The following ADGRV1 variants were observed in gnomAD, a reference collection of about 807,000 sequenced individuals.
The protein encoded by ADGRV1 is G-protein coupled receptor 98.
In ADGRV1, 359 loss-of-function variants were observed where a neutral mutation model predicts 596.2. That is an observed-to-expected ratio of 0.60 (90% CI 0.55 to 0.66). The LOEUF (loss-of-function observed/expected upper bound fraction) is 0.66. Among genes scored for constraint, ADGRV1 ranks in the 30% least tolerant of loss-of-function variants. The pLI, the probability that ADGRV1 is intolerant of heterozygous loss-of-function variation, is 0.00. For missense variants in ADGRV1, 7,274 were observed against 7,575.6 expected, an observed-to-expected ratio of 0.96 and a Z score of 1.48; for synonymous variants, 2,681 against 2,679.2, an observed-to-expected ratio of 1.00 and a Z score of -0.02.
Position 90,653,761 on chromosome 5 carries a change from TTTCCC to T in ADGRV1, c.4191_4195del (p.His1399Ter). ...CAAACAAACGAATCCCATGTGACACTTTCCCTTCATTATAAAACCTTGGGTTCCAA... is the reference window on the plus strand; with the variant it reads ...CAAACAAACGAATCCCATGTGACACTTTCATTATAAAACCTTGGGTTCCAA... On this transcript the variant is annotated frameshift_variant, in exon 20 of 90. Coordinates refer to ENST00000405460, the MANE Select transcript of ADGRV1 (RefSeq NM_032119.4). LOFTEE classifies it high-confidence loss of function. 6.2e-7 allele frequency: 1 copy of T among 1,613,250 alleles called. No homozygotes were observed. The highest frequency in any genetic ancestry group is 8.5e-7 in the Non-Finnish European group (1 of 1,179,550).
At chr5:91,109,616 C>T (rs1792190185) in intron 87 of ADGRV1, among the ~76,000 whole-genome samples, 1 of 152,182 alleles carries the variant, frequency 6.6e-6, no homozygotes, top group African/African-American at 2.4e-5. Flanking sequence ...GCAAGACTCA[C>T]CTCCTGCCAG....
At chr5:90,761,366 C>T (rs1321534999) in intron 58 of ADGRV1, among the ~76,000 whole-genome samples, 1 of 152,154 alleles carries the variant, frequency 6.6e-6, no homozygotes, top group African/African-American at 2.4e-5. Flanking sequence ...GTGAATATCT[C>T]TCAAGCAGCA....
At chr5:90,966,946 C>T (rs542567331) in intron 84 of ADGRV1, among the ~76,000 whole-genome samples, 2 of 151,958 alleles carry the variant, frequency 1.3e-5, no homozygotes, top group South Asian at 2.1e-4. Flanking sequence ...GCATTCAGGC[C>T]CTTGCATATT....
At chr5:91,116,069 A>G (rs1792827314) in intron 87 of ADGRV1, among the ~76,000 whole-genome samples, 1 of 152,198 alleles carries the variant, frequency 6.6e-6, no homozygotes, top group African/African-American at 2.4e-5. Context: ...ATGGATAGAA[A>G]AATGTCAACT....
At chr5:90,960,016 G>C (rs994702096) in intron 83 of ADGRV1, among the ~76,000 whole-genome samples, 3 of 151,844 alleles carry the variant, frequency 2.0e-5, no homozygotes, top group Non-Finnish European at 2.9e-5. Context: ...GCGGGCACCT[G>C]TAGTCCCAGC....
chr5:90,781,287 C>T (rs1041958562), intron 64 of ADGRV1, 143 bp from the exon 65 acceptor site: 8 of 703,928 alleles, frequency 1.1e-5, no homozygotes, highest in African/African-American at 3.6e-5. Flanking sequence ...AATATTTTAG[C>T]GTTGAGGATC....
intron 29 of ADGRV1, among the ~76,000 whole-genome samples, chr5:90,689,455 T>C (rs1746174884): frequency 1.3e-5 from 2 of 150,780 alleles, no homozygotes; most frequent in Admixed American, 6.6e-5. Flanking sequence ...AGCGTTCCCA[T>C]ATCTGTGCAG....
intron 59 of ADGRV1, 23 bp from the exon 60 acceptor site, chr5:90,774,163 A>G (rs771150257): frequency 1.0e-5 from 14 of 1,367,456 alleles, no homozygotes; most frequent in Non-Finnish European, 1.4e-5. Flanking sequence ...TGGAAAATGC[A>G]CTGTTTCTGT....
chr5:90,875,702 T>G (rs1769157068), intron 83 of ADGRV1, among the ~76,000 whole-genome samples: 1 of 152,182 alleles, frequency 6.6e-6, no homozygotes, highest in South Asian at 2.1e-4. Flanking sequence ...TCACAGAGTG[T>G]GCAAAGAGAA....
chr5:90,756,294 A>G (rs1473810608), intron 55 of ADGRV1, among the ~76,000 whole-genome samples, 160 bp from the exon 56 acceptor site: 1 of 152,224 alleles, frequency 6.6e-6, no homozygotes, highest in African/African-American at 2.4e-5. Context: ...GGTCAGTGGG[A>G]ATGTATTAAA....
chr5:90,890,099 T>C (rs1770667907), intron 83 of ADGRV1, among the ~76,000 whole-genome samples: 1 of 152,194 alleles, frequency 6.6e-6, no homozygotes, highest in African/African-American at 2.4e-5. Context: ...TTTCTTTGTT[T>C]GATTCCATAT....
intron 15 of ADGRV1, 124 bp from the exon 16 acceptor site, chr5:90,645,843 CG>C: frequency 1.4e-6 from 1 of 693,410 alleles, no homozygotes; most frequent in East Asian, 3.7e-5. Context: ...GTTCTGCCTC[CG>C]AAAAGGAAAT....
At chr5:90,685,273 C>T (rs906314411) in intron 28 of ADGRV1, among the ~76,000 whole-genome samples, 2 of 152,032 alleles carry the variant, frequency 1.3e-5, no homozygotes, top group Non-Finnish European at 2.9e-5. Flanking sequence ...AATACATATT[C>T]TTAAATATTC....
intron 87 of ADGRV1, among the ~76,000 whole-genome samples, chr5:91,140,450 A>G (rs1353330959): frequency 4.6e-5 from 7 of 152,252 alleles, no homozygotes; most frequent in Non-Finnish European, 1.0e-4. Flanking sequence ...CAAGATTTAA[A>G]TAAATAATCT....
At chr5:91,007,339 TATACTC>T (rs1171002361) in intron 85 of ADGRV1, among the ~76,000 whole-genome samples, 2 of 152,158 alleles carry the variant, frequency 1.3e-5, no homozygotes, top group Non-Finnish European at 2.9e-5. Context: ...TTTTTTAACA[TATACTC>T]ATAGTGTAGC....
intron 27 of ADGRV1, among the ~76,000 whole-genome samples, chr5:90,681,938 C>T (rs1000075765): frequency 6.6e-6 from 1 of 151,696 alleles, no homozygotes; most frequent in Non-Finnish European, 1.5e-5. Context: ...GTGATCTCAG[C>T]TCACCACAAC....
intron 83 of ADGRV1, among the ~76,000 whole-genome samples, chr5:90,868,790 C>A (rs1044829791): frequency 6.6e-6 from 1 of 151,610 alleles, no homozygotes; most frequent in Non-Finnish European, 1.5e-5. Context: ...TATGAATATA[C>A]ATTTAAGTTG....
intron 85 of ADGRV1, among the ~76,000 whole-genome samples, chr5:91,016,374 G>A (rs946274336): frequency 6.6e-6 from 1 of 151,892 alleles, no homozygotes; most frequent in Non-Finnish European, 1.5e-5. Context: ...GTCCCTGCAA[G>A]CTTCACACAC....
At chr5:90,999,357 G>A (rs373824596) in intron 85 of ADGRV1, among the ~76,000 whole-genome samples, 56 of 151,994 alleles carry the variant, frequency 3.7e-4, no homozygotes, top group African/African-American at 1.3e-3. Flanking sequence ...AACATTTAAA[G>A]TTATGTTTAA....
Sources: gnomAD v4.1 joint callset for allele counts (sites outside exome capture counted in the v4.1 genomes callset) on GRCh38, gnomAD v4.1.1 for gene constraint, MANE v1.5 for transcripts, NCBI Gene and HGNC (gene_info 2026-07-23, HGNC 2026-07-21) for gene names.